The following LANCL3 variants were observed in gnomAD, a reference collection of about 807,000 sequenced individuals.
LANCL3 encodes LanC like family member 3.
A neutral mutation model predicts 26.5 loss-of-function variants in LANCL3; 19 were observed. That is an observed-to-expected ratio of 0.72 (90% CI 0.50 to 1.05). The LOEUF is 1.05. Ranked by LOEUF, LANCL3 falls within the 50% of genes least tolerant of loss-of-function variation. LANCL3 has a pLI of 0.00. For missense variants in LANCL3, 318 were observed against 362.7 expected (o/e 0.88, Z 1.00); for synonymous variants, 160 against 166.6 (o/e 0.96, Z 0.30).
intron 1 of LANCL3, among the ~76,000 whole-genome samples, chrX:37,574,071 A>C (rs1390916065): frequency 1.9e-5 from 2 of 107,111 alleles, no homozygotes; most frequent in African/African-American, 3.4e-5. Flanking sequence ...AAAAAAAAAA[A>C]AAAACCCACC....
At chrX:37,662,406 T>TA (rs1405922884) in intron 3 of LANCL3, among the ~76,000 whole-genome samples, 6 of 112,161 alleles carry the variant, frequency 5.3e-5, no homozygotes, top group East Asian at 2.8e-4. Flanking sequence ...GGTATTTTTT[T>TA]AAAAAAACTC....
chrX:37,665,290 G>A (rs963317889), intron 3 of LANCL3, among the ~76,000 whole-genome samples: 9 of 111,854 alleles, frequency 8.0e-5, no homozygotes, highest in Non-Finnish European at 1.7e-4. Flanking sequence ...TTCCCCACTG[G>A]TCTGTTGGTT....
intron 1 of LANCL3, among the ~76,000 whole-genome samples, chrX:37,575,165 G>C (rs1923714179): frequency 9.2e-6 from 1 of 109,202 alleles, no homozygotes; most frequent in African/African-American, 3.4e-5. Context: ...GGGCTCAAGT[G>C]ATCTGCCCGC....
intron 1 of LANCL3, among the ~76,000 whole-genome samples, chrX:37,633,387 G>T (rs1250964060): frequency 2.7e-5 from 3 of 111,131 alleles, no homozygotes; most frequent in Non-Finnish European, 5.7e-5. Flanking sequence ...TCTTCCTGTA[G>T]CTCGGGGTAG....
chrX:37,586,129 C>G (rs189255601), intron 1 of LANCL3, among the ~76,000 whole-genome samples: 218 of 112,262 alleles, frequency 1.9e-3, no homozygotes, highest in African/African-American at 6.7e-3. Flanking sequence ...TTGGCCCCCA[C>G]TCTCTTCTGG....
intron 2 of LANCL3, among the ~76,000 whole-genome samples, chrX:37,656,369 T>A (rs2146780893): frequency 9.0e-6 from 1 of 111,499 alleles, no homozygotes; most frequent in South Asian, 3.8e-4. Context: ...AGACTCAAAC[T>A]TTATCTTTAC....
At position 37,588,446 on chromosome X, in the gene LANCL3, G is replaced by T. The variant is rs368218252; in HGVS notation, c.573+16003G>T. Reference sequence around the variant, plus strand: ...AGTTGTTTTCATTATACACACACACGCACACAGATATATGTATGCATGTGT... The same window carrying T: ...AGTTGTTTTCATTATACACACACACTCACACAGATATATGTATGCATGTGT... On this transcript the variant is annotated intron_variant, in intron 1 of 4. Coordinates refer to ENST00000378619, the MANE Select transcript of LANCL3 (RefSeq NM_001170331.2). Among the ~76,000 whole-genome samples, 40 of 110,999 alleles carry T rather than the reference G, an allele frequency of 3.6e-4. No homozygotes were observed. In the East Asian group the frequency reaches 7.7e-3, roughly 21 times the overall value.
chrX:37,591,865 G>C (rs1414006300), intron 1 of LANCL3, among the ~76,000 whole-genome samples: 7 of 109,681 alleles, frequency 6.4e-5, no homozygotes, highest in African/African-American at 2.3e-4. Context: ...GGACATAGGG[G>C]GATGGACTCA....
At chrX:37,585,705 G>A (rs1408525477) in intron 1 of LANCL3, among the ~76,000 whole-genome samples, 14 of 111,381 alleles carry the variant, frequency 1.3e-4, no homozygotes, top group African/African-American at 4.6e-4. Flanking sequence ...CATGTGAGAT[G>A]GGTTTCCTGA....
At chrX:37,613,054 C>T (rs1188417438) in intron 1 of LANCL3, among the ~76,000 whole-genome samples, 1 of 111,041 alleles carries the variant, frequency 9.0e-6, no homozygotes, top group African/African-American at 3.3e-5. Flanking sequence ...GGTCTGGAAA[C>T]CAGATACCCT....
chrX:37,578,382 A>C (rs1380461461), intron 1 of LANCL3, among the ~76,000 whole-genome samples: 3 of 112,103 alleles, frequency 2.7e-5, no homozygotes, highest in Non-Finnish European at 3.8e-5. Flanking sequence ...AGCATCTGCC[A>C]TTTGGCGTCC....
chrX:37,676,780 G>A lies in LANCL3; in HGVS notation c.*967G>A, dbSNP rs1237420160. 9.0e-6 allele frequency: 1 copy of A among 111,643 alleles called. No homozygotes were observed. Among genetic ancestry groups the A allele is most frequent in the Non-Finnish European group, 1.9e-5 (1 of 53,002 alleles). The allele number at this position is 111,643 out of a possible 1,213,427, so 9.2% of individuals were successfully genotyped here. A position where few individuals can be genotyped will look rare whatever the true frequency, so the allele number is the denominator to read the frequency against. On this transcript the variant is annotated 3_prime_UTR_variant, in exon 5 of 5. Coordinates refer to ENST00000378619, the MANE Select transcript of LANCL3 (RefSeq NM_001170331.2). ...CAGACAGGCTGAGGAAGTCACCAGTGATTGTGGAAATAATTTTGCTCCATT... is the reference window on the plus strand; with the variant it reads ...CAGACAGGCTGAGGAAGTCACCAGTAATTGTGGAAATAATTTTGCTCCATT...
intron 1 of LANCL3, among the ~76,000 whole-genome samples, chrX:37,648,352 T>C (rs190468118): frequency 1.8e-5 from 2 of 112,288 alleles, no homozygotes; most frequent in African/African-American, 6.5e-5. Context: ...CAAACTTTCA[T>C]GGGCATATGC....
chrX:37,667,199 A>G, intron 3 of LANCL3, 83 bp from the exon 4 acceptor site: 3 of 562,155 alleles, frequency 5.3e-6, no homozygotes, highest in Non-Finnish European at 2.7e-6. Context: ...CAGGTGATTC[A>G]TGAGCTTTTT....
At chrX:37,588,434 A>T (rs1364080973) in intron 1 of LANCL3, among the ~76,000 whole-genome samples, 1 of 111,449 alleles carries the variant, frequency 9.0e-6, no homozygotes, top group Non-Finnish European at 1.9e-5. Flanking sequence ...TGTTTTCATT[A>T]TACACACACA....
chrX:37,655,849 A>T, intron 2 of LANCL3, 38 bp downstream of exon 2: 1 of 1,168,463 alleles, frequency 8.6e-7, no homozygotes, highest in South Asian at 1.9e-5. Flanking sequence ...TAGGAAGGAG[A>T]AAGTCTCTAA....
chrX:37,631,996 C>T (rs1556424466), intron 1 of LANCL3, among the ~76,000 whole-genome samples: 1 of 110,451 alleles, frequency 9.1e-6, no homozygotes, highest in Admixed American at 9.6e-5. Context: ...GAGTTCAATT[C>T]CTGGGTATCC....
intron 1 of LANCL3, among the ~76,000 whole-genome samples, chrX:37,641,886 A>G (rs1295834169): frequency 1.8e-5 from 2 of 111,881 alleles, no homozygotes; most frequent in African/African-American, 6.5e-5. Flanking sequence ...TAATTGCTTC[A>G]TAGCACTTGG....
At chrX:37,575,785 C>T (rs1201494001) in intron 1 of LANCL3, among the ~76,000 whole-genome samples, 2 of 111,652 alleles carry the variant, frequency 1.8e-5, no homozygotes, top group Non-Finnish European at 3.8e-5. Flanking sequence ...TGGCATTATA[C>T]CTGCCACCTC....
Sources: allele counts gnomAD v4.1 joint callset (sites outside exome capture counted in the v4.1 genomes callset), GRCh38; gene constraint gnomAD v4.1.1; transcripts MANE v1.5; gene names NCBI Gene and HGNC (gene_info 2026-07-23, HGNC 2026-07-21).